The following NBAS variants were observed in gnomAD, a reference collection of about 807,000 sequenced individuals.
NBAS encodes the protein NBAS subunit of NRZ tethering complex, also known as NAG/BC035112 fusion.
In NBAS, 219 loss-of-function variants were observed where a neutral mutation model predicts 302.5. That is an observed-to-expected ratio of 0.72 (90% CI 0.65 to 0.81). The LOEUF is 0.81. Ranked by LOEUF, NBAS falls within the 30% of genes least tolerant of loss-of-function variation. The pLI is 0.00. For missense variants in NBAS, 2,932 were observed against 2,841.6 expected (o/e 1.03, Z -0.72); for synonymous variants, 1,118 against 1,021.6 (o/e 1.09, Z -1.80).
chr2:15,372,462 C>T (rs559688582), intron 31 of NBAS, among the ~76,000 whole-genome samples: 20 of 152,246 alleles, frequency 1.3e-4, no homozygotes, highest in South Asian at 4.1e-4. Context: ...AAATGAACTA[C>T]GTACACTGAC....
the NBAS span, among the ~76,000 whole-genome samples, chr2:15,089,576 G>T: frequency 5.9e-5 from 9 of 152,104 alleles, no homozygotes; most frequent in South Asian, 4.1e-4. Context: ...TGGAGGCGGG[G>T]AGGGACCCAG....
At chr2:15,167,350 T>A (rs771807163) in intron 51 of NBAS, 27 bp from the exon 52 acceptor site, 1 of 1,613,696 alleles carries the variant, frequency 6.2e-7, no homozygotes, top group East Asian at 2.2e-5. Flanking sequence ...AGGCACAGCG[T>A]GAGGGGGTGT....
intron 21 of NBAS, among the ~76,000 whole-genome samples, chr2:15,457,664 C>A (rs1468101453): frequency 1.3e-5 from 2 of 152,166 alleles, no homozygotes; most frequent in South Asian, 4.1e-4. Context: ...CATGCACGTT[C>A]GAGGTGCCCA....
Position 15,356,423 on chromosome 2 carries a change from G to C in NBAS, c.3818-7C>G, listed in dbSNP as rs981255037. On this transcript the variant is annotated splice_polypyrimidine_tract_variant and splice_region_variant and intron_variant, in intron 32 of 51. Transcript: ENST00000281513. The stretch of plus-strand genomic sequence containing the variant: ...CTTTCTTCTGGGTTCTCACCTGTAA[G>C]TCCAAGCAAAGGACTTAATGATTAT... 3.7e-6 allele frequency: 6 copies of C among 1,604,040 alleles called. No individual in the cohort carries two copies. The African/African-American group carries it at 8.0e-5, about 21-fold the overall frequency.
At chr2:15,122,472 G>T in the NBAS span, among the ~76,000 whole-genome samples, 13 of 152,088 alleles carry the variant, frequency 8.5e-5, no homozygotes, top group Admixed American at 7.9e-4. Flanking sequence ...ATCAGCAAGG[G>T]GTTGGTGCTT....
At chr2:14,952,589 T>C in the NBAS span, among the ~76,000 whole-genome samples, 1 of 152,208 alleles carries the variant, frequency 6.6e-6, no homozygotes, top group Admixed American at 6.5e-5. Flanking sequence ...GGCACGTTCA[T>C]TCGGCCAGCC....
the NBAS span, among the ~76,000 whole-genome samples, chr2:14,857,147 T>C: frequency 6.6e-6 from 1 of 152,044 alleles, no homozygotes; most frequent in Admixed American, 6.5e-5. Flanking sequence ...ATGAAAACTA[T>C]AGAACACTGA....
the NBAS span, among the ~76,000 whole-genome samples, chr2:15,132,726 T>G: frequency 3.3e-5 from 5 of 152,090 alleles, no homozygotes; most frequent in Non-Finnish European, 7.4e-5. Flanking sequence ...AATTTTTCTG[T>G]GAACCTAAAA....
At chr2:15,456,414 A>C (rs1351719143) in intron 21 of NBAS, among the ~76,000 whole-genome samples, 1 of 152,206 alleles carries the variant, frequency 6.6e-6, no homozygotes, top group Non-Finnish European at 1.5e-5. Flanking sequence ...AAAATCTAAA[A>C]TTCTATCTAC....
chr2:15,281,304 A>C (rs1669814734), intron 42 of NBAS, among the ~76,000 whole-genome samples: 1 of 152,198 alleles, frequency 6.6e-6, no homozygotes, highest in Non-Finnish European at 1.5e-5. Context: ...GCCAACAAAA[A>C]CAGTTTTAAG....
chr2:14,780,560 C>T, the NBAS span, among the ~76,000 whole-genome samples: 1 of 152,200 alleles, frequency 6.6e-6, no homozygotes, highest in Non-Finnish European at 1.5e-5. Context: ...GTTCACTCTC[C>T]TCAATTATCC....
chr2:15,448,596 T>G (rs1316160782), intron 21 of NBAS, among the ~76,000 whole-genome samples: 1 of 152,216 alleles, frequency 6.6e-6, no homozygotes, highest in South Asian at 2.1e-4. Flanking sequence ...TGCCATGTGA[T>G]CCCAACATTC....
chr2:15,522,404 GAGA>G (rs927394927), intron 9 of NBAS, among the ~76,000 whole-genome samples: 1 of 152,150 alleles, frequency 6.6e-6, no homozygotes, highest in Non-Finnish European at 1.5e-5. Flanking sequence ...GGGAATACAT[GAGA>G]AGAAGCAGGT....
intron 9 of NBAS, among the ~76,000 whole-genome samples, chr2:15,521,539 C>T (rs1013039308): frequency 6.6e-6 from 1 of 152,282 alleles, no homozygotes; most frequent in East Asian, 1.9e-4. Flanking sequence ...TTTCTGCCTT[C>T]ATGGAACTTA....
chr2:15,359,067 G>C (rs957745158), intron 32 of NBAS, among the ~76,000 whole-genome samples: 2 of 152,146 alleles, frequency 1.3e-5, no homozygotes, highest in Admixed American at 6.5e-5. Flanking sequence ...AGTTGGAACA[G>C]AGACTGTCAG....
At chr2:14,820,021 C>T in the NBAS span, among the ~76,000 whole-genome samples, 2 of 152,118 alleles carry the variant, frequency 1.3e-5, no homozygotes, top group Admixed American at 1.3e-4. Flanking sequence ...TACCAAATGC[C>T]AGTGAGGATG....
chr2:14,948,111 T>G, the NBAS span, among the ~76,000 whole-genome samples: 56,153 of 151,848 alleles, frequency 0.37, 12,499 homozygotes, highest in East Asian at 0.62. Context: ...TAGTCTACAT[T>G]TTTGCATCTA....
the NBAS span, among the ~76,000 whole-genome samples, chr2:14,821,429 C>A: frequency 6.6e-6 from 1 of 152,188 alleles, no homozygotes; most frequent in Non-Finnish European, 1.5e-5. Context: ...ATGCTGACAT[C>A]CACCCTGCCC....
intron 11 of NBAS, among the ~76,000 whole-genome samples, chr2:15,496,588 A>C (rs1023194537): frequency 2.0e-5 from 3 of 152,062 alleles, no homozygotes; most frequent in Non-Finnish European, 4.4e-5. Flanking sequence ...AGGAAGGAAG[A>C]AAGCATGGGA....
Sources: allele counts gnomAD v4.1 joint callset (sites outside exome capture counted in the v4.1 genomes callset), GRCh38; gene constraint gnomAD v4.1.1; transcripts MANE v1.5; gene names NCBI Gene and HGNC (gene_info 2026-07-23, HGNC 2026-07-21).